BMERB1: variants seen among roughly 807,000 people sequenced by gnomAD.
BMERB1 encodes the protein bMERB domain containing 1, also known as bMERB domain-containing protein 1.
Under a neutral mutation model 23.6 loss-of-function variants are expected in BMERB1, and 12 were observed. That is an observed-to-expected ratio of 0.51 (90% CI 0.33 to 0.82). The LOEUF (loss-of-function observed/expected upper bound fraction) is 0.82. Ranked by LOEUF, BMERB1 falls within the 40% of genes least tolerant of loss-of-function variation. The pLI is 0.03. For synonymous variants in BMERB1, 122 were observed against 96.6 expected (o/e 1.26, Z -1.54); for missense variants, 247 against 255.4 (o/e 0.97, Z 0.22).
At chr16:15,515,192 C>T in intron 1 of BMERB1, 113 bp from the exon 2 acceptor site, 2 of 1,455,906 alleles carry the variant, frequency 1.4e-6, no homozygotes, top group Non-Finnish European at 9.4e-7. Flanking sequence ...TGAAGTCTGT[C>T]CTCAAGGTGT....
chr16:15,449,120 A>G (rs1162255555), intron 1 of BMERB1, among the ~76,000 whole-genome samples: 4 of 152,252 alleles, frequency 2.6e-5, no homozygotes, highest in African/African-American at 9.6e-5. Flanking sequence ...ACTACCTGCA[A>G]TAGCAAAGAT....
intron 2 of BMERB1, among the ~76,000 whole-genome samples, chr16:15,545,059 G>GC (rs1310776408): frequency 6.6e-6 from 1 of 151,878 alleles, no homozygotes; most frequent in Non-Finnish European, 1.5e-5. Context: ...TGCAACCTCT[G>GC]CCCCCCGGGT....
At chr16:15,474,868 A>G (rs189740683) in intron 1 of BMERB1, among the ~76,000 whole-genome samples, 59 of 151,824 alleles carry the variant, frequency 3.9e-4, no homozygotes, top group Middle Eastern at 3.4e-3. Context: ...TTGGGTTTTA[A>G]GTAGAGATGG....
chr16:15,561,411 G>A (rs555977276), intron 2 of BMERB1, among the ~76,000 whole-genome samples: 26 of 151,664 alleles, frequency 1.7e-4, no homozygotes, highest in Non-Finnish European at 3.8e-4. Context: ...GGGGATTACA[G>A]GCATGTGCCA....
intron 2 of BMERB1, among the ~76,000 whole-genome samples, chr16:15,549,930 C>T (rs1326384508): frequency 1.3e-5 from 2 of 152,018 alleles, no homozygotes; most frequent in African/African-American, 4.8e-5. Context: ...TTCTATCCTA[C>T]CTGATATTTC....
In BMERB1 at chr16:15,486,546, G is replaced by T. The variant is rs79284509; in HGVS notation, c.107-28759G>T. On this transcript the variant is annotated intron_variant, in intron 1 of 5. Coordinates refer to ENST00000300006, the MANE Select transcript of BMERB1 (RefSeq NM_033201.3). ...CTCAGGGAAGGAGCCTATTGGTCCA[G>T]CTTGGGCCAGATGTTGACACCTGAT... is the stretch of plus-strand genomic sequence containing the variant. Among the ~76,000 whole-genome samples, 354 of 152,270 alleles carry T rather than the reference G, an allele frequency of 2.3e-3. 1 individual carries two copies. Among genetic ancestry groups the T allele is most frequent in the Non-Finnish European group, 4.2e-3 (285 of 68,020 alleles).
At chr16:15,525,274 G>A (rs1361067541) in intron 2 of BMERB1, among the ~76,000 whole-genome samples, 2 of 152,116 alleles carry the variant, frequency 1.3e-5, no homozygotes, top group Non-Finnish European at 2.9e-5. Flanking sequence ...TGAAACATCA[G>A]CTCTTCTTGG....
intron 5 of BMERB1, among the ~76,000 whole-genome samples, chr16:15,584,825 C>T (rs991531802): frequency 6.6e-6 from 1 of 152,176 alleles, no homozygotes; most frequent in Non-Finnish European, 1.5e-5. Flanking sequence ...AGGTTCTTTT[C>T]CCTGGTATCG....
intron 1 of BMERB1, among the ~76,000 whole-genome samples, chr16:15,449,653 C>T (rs1339802116): frequency 1.3e-5 from 2 of 151,950 alleles, no homozygotes; most frequent in African/African-American, 4.8e-5. Flanking sequence ...TCAAGCGATT[C>T]TCCTGCCTCA....
intron 1 of BMERB1, among the ~76,000 whole-genome samples, chr16:15,505,149 C>T (rs1477598123): frequency 1.3e-5 from 2 of 152,162 alleles, no homozygotes; most frequent in Non-Finnish European, 2.9e-5. Context: ...TACATCCTAT[C>T]CAACACAGGT....
intron 1 of BMERB1, among the ~76,000 whole-genome samples, chr16:15,454,017 A>G (rs904188067): frequency 1.1e-4 from 16 of 151,832 alleles, no homozygotes; most frequent in Admixed American, 6.6e-5. Flanking sequence ...TTTCTCAAGG[A>G]GAGACAAGTT....
At chr16:15,460,064 C>T (rs951466282) in intron 1 of BMERB1, among the ~76,000 whole-genome samples, 1 of 152,086 alleles carries the variant, frequency 6.6e-6, no homozygotes, top group African/African-American at 2.4e-5. Context: ...AGTGCCAGTT[C>T]TACTGTTGGA....
chr16:15,479,611 A>G (rs1414842049), intron 1 of BMERB1, among the ~76,000 whole-genome samples: 1 of 152,166 alleles, frequency 6.6e-6, no homozygotes, highest in Admixed American at 6.6e-5. Flanking sequence ...AACAATATAT[A>G]TTAAAACAGA....
At chr16:15,445,003 G>A (rs145409374) in intron 1 of BMERB1, among the ~76,000 whole-genome samples, 1,683 of 152,186 alleles carry the variant, frequency 0.011, 21 homozygotes, top group Middle Eastern at 0.034. Flanking sequence ...TAGGCCTCCC[G>A]CCTAGGCCTC....
chr16:15,526,525 G>T (rs867831951), intron 2 of BMERB1, among the ~76,000 whole-genome samples: 2 of 151,962 alleles, frequency 1.3e-5, no homozygotes, highest in African/African-American at 4.8e-5. Flanking sequence ...TTAGCTGGGT[G>T]TGGTGGTGTA....
chr16:15,584,800 C>T (rs1264233357), intron 5 of BMERB1, among the ~76,000 whole-genome samples: 1 of 152,180 alleles, frequency 6.6e-6, no homozygotes, highest in Non-Finnish European at 1.5e-5. Flanking sequence ...CTTAGCAACT[C>T]TGAAGCAATA....
At chr16:15,456,981 A>G (rs962222136) in intron 1 of BMERB1, among the ~76,000 whole-genome samples, 1 of 151,864 alleles carries the variant, frequency 6.6e-6, no homozygotes, top group African/African-American at 2.4e-5. Context: ...ACGCGCCACT[A>G]TGCCTGGCTA....
At chr16:15,528,333 C>T (rs1021630078) in intron 2 of BMERB1, among the ~76,000 whole-genome samples, 3 of 152,092 alleles carry the variant, frequency 2.0e-5, no homozygotes, top group Non-Finnish European at 4.4e-5. Context: ...CTTGCTCTCT[C>T]GAGCACTTTT....
intron 1 of BMERB1, among the ~76,000 whole-genome samples, chr16:15,509,933 A>G (rs1010194748): frequency 6.6e-6 from 1 of 152,184 alleles, no homozygotes; most frequent in Non-Finnish European, 1.5e-5. Context: ...CTAATGAGAC[A>G]GAAAAGAAGA....
Sources: gnomAD v4.1 joint callset for allele counts (sites outside exome capture counted in the v4.1 genomes callset) on GRCh38, gnomAD v4.1.1 for gene constraint, MANE v1.5 for transcripts, NCBI Gene and HGNC (gene_info 2026-07-23, HGNC 2026-07-21) for gene names.